The following KLHL1 variants were observed in gnomAD, a reference collection of about 807,000 sequenced individuals.
KLHL1 encodes the protein kelch like family member 1.
A neutral mutation model predicts 77.7 loss-of-function variants in KLHL1; 47 were observed. That is an observed-to-expected ratio of 0.60 (90% CI 0.48 to 0.77). KLHL1 has a LOEUF of 0.77. Ranked by LOEUF, KLHL1 falls within the 30% of genes least tolerant of loss-of-function variation. The probability of loss-of-function intolerance (pLI) is 0.00; values close to 1 mark genes in which losing one functional copy is unlikely to be tolerated. For synonymous variants in KLHL1, 360 were observed against 325.2 expected, an observed-to-expected ratio of 1.11 and a Z score of -1.15; for missense variants, 925 against 910.8, an observed-to-expected ratio of 1.02 and a Z score of -0.20.
chr13:70,054,894 A>G (rs1233004049), intron 1 of KLHL1, among the ~76,000 whole-genome samples: 6 of 151,990 alleles, frequency 3.9e-5, no homozygotes, highest in Admixed American at 2.6e-4. Context: ...AAAAGAAAAA[A>G]ATAATGAAAA....
chr13:70,011,497 G>A (rs1487631880), intron 1 of KLHL1, among the ~76,000 whole-genome samples: 1 of 152,028 alleles, frequency 6.6e-6, no homozygotes, highest in Non-Finnish European at 1.5e-5. Context: ...ATTTTGAAGG[G>A]CATTTCTTTT....
chr13:69,741,393 C>G (rs185318095), intron 7 of KLHL1, among the ~76,000 whole-genome samples: 1 of 152,212 alleles, frequency 6.6e-6, no homozygotes, highest in East Asian at 1.9e-4. Flanking sequence ...ATAAAGAAGT[C>G]TGAAGCATCT....
At position 69,897,717 on chromosome 13, in the gene KLHL1, A is replaced by G. The variant is rs977384942; in HGVS notation, c.1015-15222T>C. On this transcript the variant is annotated intron_variant, in intron 4 of 10. Coordinates refer to ENST00000377844, the MANE Select transcript of KLHL1 (RefSeq NM_020866.3). ...TCAGTTGATGACTATTTGAGTCCCA[A>G]CAGGTTTGACCCACCCATGGTGAGT... Among the ~76,000 whole-genome samples, 10 of 152,226 alleles carry G rather than the reference A, an allele frequency of 6.6e-5. 1 individual carries two copies. Among genetic ancestry groups the G allele is most frequent in the South Asian group, 4.1e-4 (2 of 4,826 alleles).
chr13:69,972,544 G>T, intron 2 of KLHL1, among the ~76,000 whole-genome samples: 1 of 151,686 alleles, frequency 6.6e-6, no homozygotes, highest in East Asian at 1.9e-4. Context: ...TCAGAAAAAA[G>T]CCACCCCTTC....
intron 5 of KLHL1, 54 bp from the exon 6 acceptor site, chr13:69,839,216 T>C: frequency 8.2e-7 from 1 of 1,226,484 alleles, no homozygotes; most frequent in Non-Finnish European, 1.1e-6. Flanking sequence ...ATGAACATTA[T>C]GTCATTCCTT....
At chr13:69,951,659 T>C (rs1883715569) in intron 3 of KLHL1, among the ~76,000 whole-genome samples, 1 of 151,492 alleles carries the variant, frequency 6.6e-6, no homozygotes, top group Non-Finnish European at 1.5e-5. Flanking sequence ...GACAAAGATT[T>C]TGTATTTTTG....
chr13:69,974,167 G>C (rs1360455405), intron 2 of KLHL1, among the ~76,000 whole-genome samples: 1 of 151,704 alleles, frequency 6.6e-6, no homozygotes, highest in Non-Finnish European at 1.5e-5. Flanking sequence ...TATTTGAATT[G>C]AGTTAGCCGT....
intron 1 of KLHL1, among the ~76,000 whole-genome samples, chr13:70,103,530 G>A (rs1480742637): frequency 6.6e-6 from 1 of 152,120 alleles, no homozygotes; most frequent in Admixed American, 6.5e-5. Context: ...AAGATAATGA[G>A]GGGAGGTGAT....
At chr13:70,019,958 G>T (rs1415052391) in intron 1 of KLHL1, among the ~76,000 whole-genome samples, 1 of 152,022 alleles carries the variant, frequency 6.6e-6, no homozygotes, top group Non-Finnish European at 1.5e-5. Flanking sequence ...ACTCTCTTCT[G>T]CTATTCTGCC....
At chr13:70,044,172 T>C (rs1371844109) in intron 1 of KLHL1, among the ~76,000 whole-genome samples, 1 of 152,160 alleles carries the variant, frequency 6.6e-6, no homozygotes, top group African/African-American at 2.4e-5. Flanking sequence ...ACAGCCCAGT[T>C]CATACTGGCC....
rs967682014 is a variant in KLHL1 at position 70,078,065 on chromosome 13, A to AT, written c.497+29137dup. ...TCTCTAAATGATCTTTTTTCTTTTT[A>AT]TTTTTTATTTTTTCTGCATTAGTTT... On this transcript the variant is annotated intron_variant, in intron 1 of 10. Transcript: ENST00000377844. Among the ~76,000 whole-genome samples, 10 of 151,602 alleles carry AT rather than the reference A, an allele frequency of 6.6e-5. 1 individual carries two copies. The highest frequency in any genetic ancestry group is 3.4e-3 in the Middle Eastern group (1 of 292).
intron 7 of KLHL1, among the ~76,000 whole-genome samples, chr13:69,745,940 C>G (rs930454013): frequency 1.5e-4 from 23 of 151,552 alleles, no homozygotes; most frequent in African/African-American, 5.5e-4. Context: ...ACAACATTGT[C>G]TCTTCTAATC....
chr13:69,783,230 A>T (rs925919577), intron 7 of KLHL1, among the ~76,000 whole-genome samples: 1 of 152,176 alleles, frequency 6.6e-6, no homozygotes, highest in Non-Finnish European at 1.5e-5. Context: ...TGGGGAAAAA[A>T]CAGAGCAGAA....
chr13:69,742,039 A>C (rs1427020971), intron 7 of KLHL1, among the ~76,000 whole-genome samples: 1 of 152,180 alleles, frequency 6.6e-6, no homozygotes, highest in Non-Finnish European at 1.5e-5. Context: ...CCTTTGTTTT[A>C]GAAGAGTTGA....
intron 7 of KLHL1, among the ~76,000 whole-genome samples, chr13:69,765,852 C>T: frequency 6.6e-6 from 1 of 152,192 alleles, no homozygotes; most frequent in East Asian, 1.9e-4. Context: ...GGGCTTTCAG[C>T]TGAATGGTGG....
chr13:69,738,928 C>A (rs1476874206), intron 8 of KLHL1, among the ~76,000 whole-genome samples: 3 of 152,048 alleles, frequency 2.0e-5, no homozygotes, highest in East Asian at 3.9e-4. Context: ...CACAAGAAGA[C>A]CAACCCCTAG....
At chr13:69,987,537 G>C (rs1406842905) in intron 1 of KLHL1, among the ~76,000 whole-genome samples, 3 of 151,518 alleles carry the variant, frequency 2.0e-5, no homozygotes, top group Non-Finnish European at 4.4e-5. Flanking sequence ...AAAGAAAAAA[G>C]GAAGTGAAAA....
chr13:69,723,842 T>TC (rs1485420194), intron 8 of KLHL1, among the ~76,000 whole-genome samples: 1 of 56,642 alleles, frequency 1.8e-5, no homozygotes, highest in African/African-American at 3.9e-5. Flanking sequence ...CAGTCAGAAT[T>TC]TTTTTTTTTT....
At chr13:69,933,510 A>G (rs1490913996) in intron 4 of KLHL1, among the ~76,000 whole-genome samples, 1 of 152,034 alleles carries the variant, frequency 6.6e-6, no homozygotes, top group Admixed American at 6.6e-5. Context: ...ATCACAAACC[A>G]CATTGATATA....
Sources: allele counts gnomAD v4.1 joint callset (sites outside exome capture counted in the v4.1 genomes callset), GRCh38; gene constraint gnomAD v4.1.1; transcripts MANE v1.5; gene names NCBI Gene and HGNC (gene_info 2026-07-23, HGNC 2026-07-21).